Variants in SNED1 observed in about 807,000 individuals in gnomAD.
SNED1 encodes sushi, nidogen and EGF like domains 1.
SNED1 carries 81 observed loss-of-function variants against 166.7 expected under a neutral mutation model. The observed-to-expected ratio is 0.49, with a 90% CI of 0.41 to 0.58. The LOEUF is 0.58. SNED1 is among the 20% of genes least tolerant of loss of function. The pLI, the probability that SNED1 is intolerant of heterozygous loss-of-function variation, is 0.00. For missense variants in SNED1, 1,604 were observed against 2,000.2 expected, an observed-to-expected ratio of 0.80 and a Z score of 3.78; for synonymous variants, 762 against 822.0, an observed-to-expected ratio of 0.93 and a Z score of 1.25.
intron 1 of SNED1, among the ~76,000 whole-genome samples, chr2:241,029,354 C>T: frequency 6.6e-6 from 1 of 152,236 alleles, no homozygotes; most frequent in East Asian, 1.9e-4. Context: ...GGTGAGGGCC[C>T]ACTTCCTGGG....
In SNED1 at chr2:241,086,747, C is replaced by T. The variant is rs2063601129; in HGVS notation, c.4122-645C>T. Among the ~76,000 whole-genome samples the T allele has an allele frequency of 2.0e-5, 3 of 152,192 alleles. No individual in the cohort carries two copies. In the South Asian group the frequency reaches 6.2e-4, roughly 31 times the overall value. On this transcript the variant is annotated intron_variant, in intron 29 of 31. Coordinates refer to ENST00000310397, the MANE Select transcript of SNED1 (RefSeq NM_001080437.3). ...AGTTGGAGCTTTGCCTGCTGAACTC[C>T]TTGGATTTCCCTTTTAAACAGCTCT...
chr2:241,000,385 C>A (rs961935775), intron 1 of SNED1, among the ~76,000 whole-genome samples: 1 of 152,246 alleles, frequency 6.6e-6, no homozygotes, highest in African/African-American at 2.4e-5. Flanking sequence ...GGTGCTACCC[C>A]CTGAAAGTCC....
chr2:240,998,914 T>A lies in SNED1; in HGVS notation c.77T>A (p.Val26Glu), dbSNP rs1435267716. Residue 26 changes from valine to glutamate, a missense_variant, in exon 1 of 32, where the codon GTG becomes GAG. Physicochemically the swap from Val to Glu is moderately radical, Grantham distance 121. This residue lies in a region of SNED1 where 1,237 missense variants were observed against 1,620.8 expected (regional missense o/e 0.76). Coordinates refer to ENST00000310397, the MANE Select transcript of SNED1 (RefSeq NM_001080437.3). ...GLGARGVRGA[V>E]ALADFYPFGA... ...GGGGCGCGCGGGGTGCGCGGCGCGGTGGCCCTTGCCGACTTCTACCCGTTC... is the reference window on the plus strand; with the variant it reads ...GGGGCGCGCGGGGTGCGCGGCGCGGAGGCCCTTGCCGACTTCTACCCGTTC... 1 of 1,243,772 alleles carries A rather than the reference T, an allele frequency of 8.0e-7. No homozygotes were observed. The highest frequency in any genetic ancestry group is 1.0e-6 in the Non-Finnish European group (1 of 993,904). The allele number at this position is 1,243,772 out of a possible 1,614,324, so 77.0% of individuals were successfully genotyped here.
At chr2:241,034,994 GCA>G (rs2061301846) in intron 4 of SNED1, among the ~76,000 whole-genome samples, 1 of 149,994 alleles carries the variant, frequency 6.7e-6, no homozygotes, top group Non-Finnish European at 1.5e-5. Flanking sequence ...AGAAGATCCC[GCA>G]CACACACTGC....
Position 241,072,575 on chromosome 2 carries a change from C to T in SNED1, c.3818-691C>T, listed in dbSNP as rs2062785743. ...ATGAACACGCTCTGAGCAAAAACTC[C>T]TCAGGCAGAGGAGGGAGGGAAATGC... On this transcript the variant is annotated intron_variant, in intron 26 of 31. Transcript: ENST00000310397. 10 of 269,016 alleles carry T rather than the reference C, an allele frequency of 3.7e-5. 1 individual carries two copies. In the South Asian group the frequency reaches 3.7e-4, roughly 10 times the overall value. The allele number at this position is 269,016 out of a possible 1,614,324, so 16.7% of individuals were successfully genotyped here.
intron 1 of SNED1, among the ~76,000 whole-genome samples, chr2:241,023,983 T>C (rs533505329): frequency 7.4e-6 from 1 of 135,540 alleles, no homozygotes; most frequent in East Asian, 2.5e-4. Context: ...CCCCCCGGGT[T>C]CAGGCAATTC....
chr2:241,071,692 G>GC lies in SNED1; in HGVS notation c.3711dup (p.Glu1238ArgfsTer61). The GC allele has an allele frequency of 6.5e-7, 1 of 1,527,512 alleles. No individual in the cohort carries two copies. The highest frequency in any genetic ancestry group is 8.8e-7 in the Non-Finnish European group (1 of 1,138,222). The allele number at this position is 1,527,512 out of a possible 1,614,324, so 94.6% of individuals were successfully genotyped here. A position where few individuals can be genotyped will look rare whatever the true frequency, so the allele number is the denominator to read the frequency against. ...GCTGCGCCTGCTCAATGACCACAGC[G>GC]CCCCCGAGACCCCCACCCAGCCCCC... On this transcript the variant is annotated frameshift_variant, in exon 25 of 32. Coordinates refer to ENST00000310397, the MANE Select transcript of SNED1 (RefSeq NM_001080437.3). LOFTEE classifies it high-confidence loss of function.
chr2:241,023,576 T>C (rs946434958), intron 1 of SNED1, among the ~76,000 whole-genome samples: 2 of 152,212 alleles, frequency 1.3e-5, no homozygotes, highest in Non-Finnish European at 2.9e-5. Context: ...TATCTTTGTC[T>C]GTGCCTGGTC....
In SNED1 at chr2:241,067,728, G is replaced by A. The variant is rs201352949; in HGVS notation, c.3011-36G>A. 389 of 1,561,432 alleles carry A rather than the reference G, an allele frequency of 2.5e-4. No homozygotes were observed. The African/African-American group carries it at 4.9e-3, about 20-fold the overall frequency. On this transcript the variant is annotated intron_variant, in intron 21 of 31. Coordinates refer to ENST00000310397, the MANE Select transcript of SNED1 (RefSeq NM_001080437.3). Reference sequence around the variant, plus strand: ...CCCTGCACTCCCCCAGGAGCAAGGAGGGGCCGGCACCTGCTGAACAGTCCA... The same window carrying A: ...CCCTGCACTCCCCCAGGAGCAAGGAAGGGCCGGCACCTGCTGAACAGTCCA...
At chr2:241,042,967 G>A (rs1248245175) in intron 8 of SNED1, among the ~76,000 whole-genome samples, 2 of 151,964 alleles carry the variant, frequency 1.3e-5, no homozygotes, top group African/African-American at 4.8e-5. Context: ...AGTCTGTGAA[G>A]GAGGATGAAG....
intron 8 of SNED1, among the ~76,000 whole-genome samples, chr2:241,042,080 C>T (rs1234050458): frequency 6.6e-6 from 1 of 152,156 alleles, no homozygotes; most frequent in Non-Finnish European, 1.5e-5. Context: ...GAGAGTCCAG[C>T]AGTCCCTTTG....
At chr2:241,011,622 A>G (rs2060406993) in intron 1 of SNED1, among the ~76,000 whole-genome samples, 1 of 152,230 alleles carries the variant, frequency 6.6e-6, no homozygotes, top group East Asian at 1.9e-4. Context: ...AAGGTGCTAT[A>G]GCAAGTAGGC....
chr2:241,067,959 C>T lies in SNED1; in HGVS notation c.3194+12C>T. 1.3e-6 allele frequency: 2 copies of T among 1,599,746 alleles called. No individual in the cohort carries two copies. The highest frequency in any genetic ancestry group is 1.7e-4 in the Middle Eastern group (1 of 6,026). On this transcript the variant is annotated intron_variant, in intron 22 of 31. Transcript: ENST00000310397. ...AGGTTCACCTTTAGGTAAGAAGGGA[C>T]ACCCAGAGCATGGGGCTGGGGTGAA... is the stretch of plus-strand genomic sequence containing the variant.
intron 8 of SNED1, among the ~76,000 whole-genome samples, chr2:241,044,146 A>G (rs2061586273): frequency 6.6e-6 from 1 of 152,240 alleles, no homozygotes; most frequent in South Asian, 2.1e-4. Flanking sequence ...GAGGAAAAAA[A>G]GAAAGAAGTG....
In SNED1 at chr2:241,051,930, C is replaced by A; in HGVS notation, c.1852+70C>A. ...GCCCTGAGCTGGGGCCCCTGATGCA[C>A]CCTCCCTGCCAGCTGTGGGTCTGCT... On this transcript the variant is annotated intron_variant, in intron 13 of 31. Transcript: ENST00000310397. The surrounding 1 kb of genome is among the most constrained non-coding windows in gnomAD (Gnocchi z 4.7). The A allele has an allele frequency of 6.1e-6, 9 of 1,467,846 alleles. No homozygotes were observed. The highest frequency in any genetic ancestry group is 8.4e-6 in the Non-Finnish European group (9 of 1,076,388). The allele number at this position is 1,467,846 out of a possible 1,614,324, so 90.9% of individuals were successfully genotyped here. A position where few individuals can be genotyped will look rare whatever the true frequency, so the allele number is the denominator to read the frequency against.
chr2:241,050,356 C>T (rs2061799985), intron 12 of SNED1, among the ~76,000 whole-genome samples: 1 of 152,186 alleles, frequency 6.6e-6, no homozygotes, highest in African/African-American at 2.4e-5. Flanking sequence ...TAGCTATCCC[C>T]GCCAGGCCCC....
intron 8 of SNED1, among the ~76,000 whole-genome samples, chr2:241,042,769 A>G (rs1371159554): frequency 1.3e-5 from 2 of 152,264 alleles, no homozygotes; most frequent in Non-Finnish European, 2.9e-5. Context: ...GCAGAAGGAA[A>G]GATCAATGAA....
intron 1 of SNED1, among the ~76,000 whole-genome samples, chr2:241,025,004 T>C (rs1008623016): frequency 6.6e-6 from 1 of 152,170 alleles, no homozygotes; most frequent in Non-Finnish European, 1.5e-5. Context: ...TCTATCAGTA[T>C]AGAATATGGA....
intron 1 of SNED1, among the ~76,000 whole-genome samples, chr2:241,024,918 T>C (rs773690218): frequency 8.5e-5 from 13 of 152,196 alleles, no homozygotes; most frequent in Admixed American, 3.3e-4. Flanking sequence ...AGGTGATCCA[T>C]GTGCCTCAGC....
Sources: allele counts gnomAD v4.1 joint callset (sites outside exome capture counted in the v4.1 genomes callset), GRCh38; gene constraint gnomAD v4.1.1; regional missense constraint gnomAD v4.1.1; non-coding constraint Gnocchi (gnomAD v3.1); transcripts MANE v1.5; gene names NCBI Gene and HGNC (gene_info 2026-07-23, HGNC 2026-07-21).